The following ADCY2 variants were observed in gnomAD, a reference collection of about 807,000 sequenced individuals.
ADCY2 encodes adenylate cyclase 2, also known as adenylate cyclase type 2.
Under a neutral mutation model 125.2 loss-of-function variants are expected in ADCY2, and 31 were observed. The ratio of observed to expected loss-of-function variants is 0.25; its 90% CI spans 0.19 to 0.33. The LOEUF (loss-of-function observed/expected upper bound fraction) is 0.33. Among genes scored for constraint, ADCY2 ranks in the 10% least tolerant of loss-of-function variants. The probability of loss-of-function intolerance (pLI) is 1.00; values close to 1 mark genes in which losing one functional copy is unlikely to be tolerated. For missense variants in ADCY2, 904 were observed against 1,418.2 expected (o/e 0.64, Z 5.82); for synonymous variants, 512 against 548.4 (o/e 0.93, Z 0.93).
chr5:7,824,630 G>A (rs1422487976), intron 24 of ADCY2, among the ~76,000 whole-genome samples: 2 of 152,210 alleles, frequency 1.3e-5, no homozygotes, highest in Non-Finnish European at 2.9e-5. Flanking sequence ...AGAGCAGCAG[G>A]ACATGGACAT....
At chr5:7,468,416 T>C (rs561044252) in intron 2 of ADCY2, among the ~76,000 whole-genome samples, 1 of 152,308 alleles carries the variant, frequency 6.6e-6, no homozygotes, top group Admixed American at 6.5e-5. Flanking sequence ...AAAAGCATTC[T>C]TAAATAATTT....
chr5:7,413,530 C>A (rs190336816), intron 1 of ADCY2, among the ~76,000 whole-genome samples: 162 of 152,034 alleles, frequency 1.1e-3, no homozygotes, highest in African/African-American at 3.8e-3. Context: ...GATCTCCTGA[C>A]CTTGTGATCT....
At chr5:7,767,882 T>A (rs1038512099) in intron 17 of ADCY2, among the ~76,000 whole-genome samples, 1 of 151,976 alleles carries the variant, frequency 6.6e-6, no homozygotes, top group African/African-American at 2.4e-5. Context: ...TAAAAAAAAA[T>A]TAGCCGGATG....
In ADCY2 at chr5:7,820,710, C is replaced by T. The variant is rs74353732; in HGVS notation, c.3123+21C>T. 3.7e-4 allele frequency: 593 copies of T among 1,607,180 alleles called. 3 individuals are homozygous for T. In the East Asian group the frequency reaches 9.3e-3, roughly 25 times the overall value. On this transcript the variant is annotated intron_variant, in intron 24 of 24. Transcript: ENST00000338316. The stretch of plus-strand genomic sequence containing the variant: ...TACAGGTAATGCAGAGTGTGGTCTG[C>T]GCTGCCTGCATCAACCATGTCTGTT...
rs542089353 is a variant in ADCY2 at position 7,827,704 on chromosome 5, T to A, written c.*833T>A. 1.3e-5 allele frequency: 2 copies of A among 152,498 alleles called. No homozygotes were observed. Among genetic ancestry groups the A allele is most frequent in the African/African-American group, 4.8e-5 (2 of 41,580 alleles). The allele number at this position is 152,498 out of a possible 1,614,324, so 9.4% of individuals were successfully genotyped here. Reference sequence around the variant, plus strand: ...ATTAGGACACAGTGTGTGACGCAGATAACTGGTTACTCAGCTCCCTGGAAA... The same window carrying A: ...ATTAGGACACAGTGTGTGACGCAGAAAACTGGTTACTCAGCTCCCTGGAAA... On this transcript the variant is annotated 3_prime_UTR_variant, in exon 25 of 25. Transcript: ENST00000338316.
chr5:7,625,101 G>T (rs552723561), intron 3 of ADCY2, among the ~76,000 whole-genome samples: 21 of 152,346 alleles, frequency 1.4e-4, no homozygotes, highest in African/African-American at 4.8e-4. Flanking sequence ...CAGTAATTTT[G>T]TCTGAGGAAA....
chr5:7,618,178 G>A (rs951816453), intron 3 of ADCY2, among the ~76,000 whole-genome samples: 4 of 152,154 alleles, frequency 2.6e-5, no homozygotes, highest in Non-Finnish European at 4.4e-5. Flanking sequence ...TGGCATCCCT[G>A]AGTTGTTATT....
At chr5:7,752,815 C>T (rs912549196) in intron 15 of ADCY2, among the ~76,000 whole-genome samples, 13 of 151,380 alleles carry the variant, frequency 8.6e-5, no homozygotes, top group African/African-American at 3.1e-4. Context: ...GGATTAAGAA[C>T]ATTGGGATTC....
intron 14 of ADCY2, among the ~76,000 whole-genome samples, chr5:7,728,720 A>G (rs909271958): frequency 1.3e-5 from 2 of 152,162 alleles, no homozygotes; most frequent in African/African-American, 4.8e-5. Flanking sequence ...TTACTCTTAC[A>G]TAGATAGATT....
chr5:7,429,342 A>G (rs1392706538), intron 2 of ADCY2, among the ~76,000 whole-genome samples: 1 of 152,248 alleles, frequency 6.6e-6, no homozygotes, highest in Non-Finnish European at 1.5e-5. Context: ...CCATTTCTCA[A>G]TAACTGCTGA....
chr5:7,538,385 G>A (rs1734889734), intron 3 of ADCY2, among the ~76,000 whole-genome samples: 1 of 152,164 alleles, frequency 6.6e-6, no homozygotes, highest in Non-Finnish European at 1.5e-5. Flanking sequence ...TACGACTGAG[G>A]ATTAGGGATT....
intron 4 of ADCY2, 46 bp from the exon 5 acceptor site, chr5:7,690,645 C>G: frequency 1.4e-6 from 2 of 1,460,916 alleles, no homozygotes; most frequent in Non-Finnish European, 1.8e-6. Context: ...GGTCATCCCC[C>G]GAGGTGTCTG....
chr5:7,513,078 G>GACACACACACACACACACACACACACAC (rs142515106), intron 2 of ADCY2, among the ~76,000 whole-genome samples: 5 of 124,078 alleles, frequency 4.0e-5, no homozygotes, highest in African/African-American at 1.5e-4. Context: ...GAAAATACAT[G>GACACACACACACACACACACACACACAC]ACACACACAC....
chr5:7,396,248 G>A lies in ADCY2; in HGVS notation c.-49G>A, dbSNP rs1162460552. On this transcript the variant is annotated 5_prime_UTR_variant, in exon 1 of 25. Coordinates refer to ENST00000338316, the MANE Select transcript of ADCY2 (RefSeq NM_020546.3). The surrounding 1 kb of genome is among the most constrained non-coding windows in gnomAD (Gnocchi z 5.7). ...GGGACGCGGGCGGCCGCGGCGAGCG[G>A]CGCTGCCCGGGCCGGGCGCGCACGG... The A allele has an allele frequency of 2.0e-6, 2 of 980,906 alleles. No individual in the cohort carries two copies. The highest frequency in any genetic ancestry group is 2.4e-6 in the Non-Finnish European group (2 of 822,540). The allele number at this position is 980,906 out of a possible 1,614,324, so 60.8% of individuals were successfully genotyped here.
chr5:7,472,080 C>T (rs1347776161), intron 2 of ADCY2, among the ~76,000 whole-genome samples: 18 of 152,178 alleles, frequency 1.2e-4, no homozygotes, highest in South Asian at 6.2e-4. Context: ...GTTGTATTTA[C>T]GGCTTGACAT....
intron 4 of ADCY2, among the ~76,000 whole-genome samples, chr5:7,626,760 G>T (rs1738142492): frequency 6.6e-6 from 1 of 152,092 alleles, no homozygotes; most frequent in Non-Finnish European, 1.5e-5. Flanking sequence ...CCCAGGGAGG[G>T]CATTTATGTG....
intron 4 of ADCY2, among the ~76,000 whole-genome samples, chr5:7,661,972 C>T (rs1041290656): frequency 6.6e-6 from 1 of 152,134 alleles, no homozygotes; most frequent in Non-Finnish European, 1.5e-5. Flanking sequence ...GATCATTTCT[C>T]ACCTCATCTT....
At chr5:7,530,410 T>G (rs188398197) in intron 3 of ADCY2, among the ~76,000 whole-genome samples, 1 of 152,258 alleles carries the variant, frequency 6.6e-6, no homozygotes, top group Non-Finnish European at 1.5e-5. Context: ...TCTGATTGAC[T>G]GCCCTGACAC....
chr5:7,768,995 A>C (rs935144489), intron 17 of ADCY2, among the ~76,000 whole-genome samples: 1 of 152,214 alleles, frequency 6.6e-6, no homozygotes, highest in East Asian at 1.9e-4. Context: ...TGTGTGCCAA[A>C]CAGGCGTCAT....
Sources: allele counts gnomAD v4.1 joint callset (sites outside exome capture counted in the v4.1 genomes callset), GRCh38; gene constraint gnomAD v4.1.1; non-coding constraint Gnocchi (gnomAD v3.1); transcripts MANE v1.5; gene names NCBI Gene and HGNC (gene_info 2026-07-23, HGNC 2026-07-21).